The following HDAC2 variants were observed in gnomAD, a reference collection of about 807,000 sequenced individuals.
HDAC2 encodes the protein histone deacetylase 2.
HDAC2 carries 5 observed loss-of-function variants against 68.5 expected under a neutral mutation model. That is an observed-to-expected ratio of 0.07 (90% CI 0.04 to 0.15). The LOEUF (loss-of-function observed/expected upper bound fraction) is 0.15. Among genes scored for constraint, HDAC2 ranks in the 10% least tolerant of loss-of-function variants. The pLI, the probability that HDAC2 is intolerant of heterozygous loss-of-function variation, is 1.00. For synonymous variants in HDAC2, 182 were observed against 191.3 expected (o/e 0.95, Z 0.40); for missense variants, 291 against 600.8 (o/e 0.48, Z 5.39).
intron 5 of HDAC2, 131 bp from the exon 6 acceptor site, chr6:113,953,549 T>A: frequency 1.8e-6 from 1 of 549,786 alleles, no homozygotes; most frequent in Non-Finnish European, 3.2e-6. Context: ...ACATTCAGCC[T>A]AAGAGGTTAT....
At chr6:113,970,353 GA>G (rs928418595) in intron 1 of HDAC2, 2 of 586,150 alleles carry the variant, frequency 3.4e-6, no homozygotes, top group Middle Eastern at 8.3e-4. Context: ...GAGGAGGAGG[GA>G]AGGGGACGGG....
At chr6:113,968,476 C>T (rs953697820) in intron 1 of HDAC2, 6 of 152,166 alleles carry the variant, frequency 3.9e-5, no homozygotes, top group African/African-American at 1.4e-4. Flanking sequence ...GAGGTCAGCA[C>T]ACTATCACAT....
chr6:113,969,219 G>A (rs1167911932), intron 1 of HDAC2, among the ~76,000 whole-genome samples: 3 of 152,092 alleles, frequency 2.0e-5, no homozygotes, highest in Admixed American at 1.3e-4. Context: ...CTTATATAAT[G>A]CATATCTAGT....
Position 113,944,405 on chromosome 6 carries a change from C to T in HDAC2, c.1097G>A (p.Arg366His). ...TAACATGCGCAAATTTTCAAACAAA[C>T]GCTGTCTAAATTACACATGCAAAGT... ...TPEYMEKIKQ[R>H]LFENLRMLPH... Residue 366 changes from arginine to histidine, a missense_variant, in exon 11 of 14, where the codon CGT becomes CAT. By Grantham distance (29) the Arg-to-His change is conservative. Coordinates refer to ENST00000519065, the MANE Select transcript of HDAC2 (RefSeq NM_001527.4). 1 of 1,612,832 alleles carries T rather than the reference C, an allele frequency of 6.2e-7. No homozygotes were observed. The highest frequency in any genetic ancestry group is 1.1e-5 in the South Asian group (1 of 90,964).
chr6:113,970,291 A>C, intron 1 of HDAC2: 1 of 215,632 alleles, frequency 4.6e-6, no homozygotes, highest in Non-Finnish European at 7.9e-6. Context: ...AAGCCGAGGA[A>C]GGAGAAGACG....
At chr6:113,950,458 G>A (rs1776384503) in intron 6 of HDAC2, among the ~76,000 whole-genome samples, 1 of 151,318 alleles carries the variant, frequency 6.6e-6, no homozygotes, top group South Asian at 2.1e-4. Context: ...TCGGCTCACT[G>A]CACTCCAGTG....
intron 6 of HDAC2, among the ~76,000 whole-genome samples, chr6:113,949,931 G>C (rs1023765116): frequency 1.3e-5 from 2 of 152,034 alleles, no homozygotes; most frequent in Admixed American, 1.3e-4. Flanking sequence ...ACAGGCATGT[G>C]CCACCATGCC....
chr6:113,964,623 C>T (rs1291261191), intron 1 of HDAC2, among the ~76,000 whole-genome samples: 3 of 152,150 alleles, frequency 2.0e-5, no homozygotes, highest in African/African-American at 4.8e-5. Context: ...TGGGACCAGT[C>T]GTCTGTCTAT....
intron 1 of HDAC2, among the ~76,000 whole-genome samples, chr6:113,966,467 A>G (rs1776820884): frequency 6.6e-6 from 1 of 151,480 alleles, no homozygotes; most frequent in Non-Finnish European, 1.5e-5. Context: ...CAAGAGAATC[A>G]CTTGAACCCG....
Position 113,936,079 on chromosome 6 carries a change from C to T in HDAC2, c.*4979G>A, listed in dbSNP as rs1775991724. The T allele has an allele frequency of 6.6e-6, 1 of 152,162 alleles. No homozygotes were observed. The highest frequency in any genetic ancestry group is 2.1e-4 in the South Asian group (1 of 4,828). 9.4% of individuals were successfully genotyped at this position (152,162 alleles called of 1,614,324 possible). On this transcript the variant is annotated 3_prime_UTR_variant, in exon 14 of 14. Transcript: ENST00000519065. ...TTAGTCAATGACTACCAGATACACT[C>T]TACTGTGTTTTGCAGATGTAAAACT... is the stretch of plus-strand genomic sequence containing the variant.
At position 113,935,616 on chromosome 6, in the gene HDAC2, C is replaced by T. The variant is rs2114577314; in HGVS notation, c.*5442G>A. The T allele has an allele frequency of 6.6e-6, 1 of 152,310 alleles. No homozygotes were observed. Among genetic ancestry groups the T allele is most frequent in the Non-Finnish European group, 1.5e-5 (1 of 68,016 alleles). 9.4% of individuals were successfully genotyped at this position (152,310 alleles called of 1,614,324 possible). On this transcript the variant is annotated 3_prime_UTR_variant, in exon 14 of 14. Transcript: ENST00000519065. ...CTCACTCCTAAATACAAACCACTGG[C>T]TGCAAAATGGGTCTGGCCAAAAAAA...
At position 113,934,390 on chromosome 6, in the gene HDAC2, GC is replaced by G; in HGVS notation, c.*6667del. Reference sequence around the variant, plus strand: ...TGAAGCACAGAAATTTAAATGACTTGCCCAAAGCAAAGTTGTGTAATGTAAA... The same window carrying G: ...TGAAGCACAGAAATTTAAATGACTTGCCAAAGCAAAGTTGTGTAATGTAAA... On this transcript the variant is annotated 3_prime_UTR_variant, in exon 14 of 14. Coordinates refer to ENST00000519065, the MANE Select transcript of HDAC2 (RefSeq NM_001527.4). 1 of 152,340 alleles carries G rather than the reference GC, an allele frequency of 6.6e-6. No individual in the cohort carries two copies. The highest frequency in any genetic ancestry group is 2.4e-5 in the African/African-American group (1 of 41,576). 9.4% of individuals were successfully genotyped at this position (152,340 alleles called of 1,614,324 possible).
At chr6:113,970,549 A>G in intron 1 of HDAC2, 1 of 1,211,180 alleles carries the variant, frequency 8.3e-7, no homozygotes, top group Non-Finnish European at 1.0e-6. Flanking sequence ...CGCCACCACC[A>G]AGGCGGGGTA....
chr6:113,949,621 G>T (rs1776354917), intron 6 of HDAC2, among the ~76,000 whole-genome samples: 1 of 152,144 alleles, frequency 6.6e-6, no homozygotes, highest in African/African-American at 2.4e-5. Context: ...AACTTTATGA[G>T]TAAACCTGTG....
intron 4 of HDAC2, 64 bp from the exon 5 acceptor site, chr6:113,956,215 A>G: frequency 7.4e-7 from 1 of 1,346,202 alleles, no homozygotes; most frequent in Non-Finnish European, 1.0e-6. Context: ...AGAATGAGAC[A>G]AAAACACTAC....
intron 4 of HDAC2, 77 bp downstream of exon 4, chr6:113,956,540 TTC>T (rs1182984616): frequency 4.3e-5 from 41 of 963,072 alleles, no homozygotes; most frequent in African/African-American, 8.1e-5. Context: ...TCATTAAAAC[TTC>T]TGTTTTACAC....
At chr6:113,965,830 T>C (rs1167390281) in intron 1 of HDAC2, among the ~76,000 whole-genome samples, 1 of 152,196 alleles carries the variant, frequency 6.6e-6, no homozygotes, top group Non-Finnish European at 1.5e-5. Context: ...GCTACTGAAA[T>C]ACAGAGGAAT....
At position 113,956,153 on chromosome 6, in the gene HDAC2, TAAG is replaced by T. The variant is rs778015044; in HGVS notation, c.359-5_359-3del. 8.8e-6 allele frequency: 14 copies of T among 1,594,974 alleles called. No individual in the cohort carries two copies. In the Admixed American group the frequency reaches 9.2e-5, roughly 10 times the overall value. On this transcript the variant is annotated splice_polypyrimidine_tract_variant and splice_region_variant and intron_variant, in intron 4 of 13. Coordinates refer to ENST00000519065, the MANE Select transcript of HDAC2 (RefSeq NM_001527.4). ...GTCGGTTTAACTTCACAGCTCCAGCTAAGAAGTAGAAACAAGATAGACCTTTTA... is the reference window on the plus strand; with the variant it reads ...GTCGGTTTAACTTCACAGCTCCAGCTAAGTAGAAACAAGATAGACCTTTTA...
chr6:113,947,482 T>A (rs1426109520), intron 8 of HDAC2: 1 of 152,198 alleles, frequency 6.6e-6, no homozygotes, highest in African/African-American at 2.4e-5. Flanking sequence ...ACTGAAACTC[T>A]ATTAGCTGAA....
Sources: gnomAD v4.1 joint callset for allele counts (sites outside exome capture counted in the v4.1 genomes callset) on GRCh38, gnomAD v4.1.1 for gene constraint, MANE v1.5 for transcripts, NCBI Gene and HGNC (gene_info 2026-07-23, HGNC 2026-07-21) for gene names.